The following RGPD1 variants were observed in gnomAD, a reference collection of about 807,000 sequenced individuals.
The protein encoded by RGPD1 is RANBP2 like and GRIP domain containing 1.
Under a neutral mutation model 40.6 loss-of-function variants are expected in RGPD1, and 7 were observed. That is an observed-to-expected ratio of 0.17 (90% CI 0.10 to 0.32). The LOEUF (loss-of-function observed/expected upper bound fraction) is 0.32, where lower values mean the gene tolerates loss of function less well. RGPD1 is among the 10% of genes least tolerant of loss of function. RGPD1 has a pLI of 1.00. For synonymous variants in RGPD1, 24 were observed against 167.0 expected (o/e 0.14, Z 6.60); for missense variants, 50 against 472.5 (o/e 0.11, Z 8.29).
chr2:86,933,322 A>G (rs540793242), intron 1 of RGPD1, among the ~76,000 whole-genome samples: 3 of 150,362 alleles, frequency 2.0e-5, no homozygotes, highest in Admixed American at 6.6e-5. Flanking sequence ...AAAAAAAAGG[A>G]AGAAAAAAAC....
chr2:86,943,900 G>A (rs1179032366), intron 1 of RGPD1, among the ~76,000 whole-genome samples: 1 of 152,036 alleles, frequency 6.6e-6, no homozygotes, highest in Non-Finnish European at 1.5e-5. Flanking sequence ...TGTAGTCCCA[G>A]CTACCCGGGA....
At chr2:86,928,829 A>C (rs1275860038) in intron 1 of RGPD1, among the ~76,000 whole-genome samples, 1 of 152,194 alleles carries the variant, frequency 6.6e-6, no homozygotes, top group Non-Finnish European at 1.5e-5. Flanking sequence ...GAAATGAATG[A>C]TACCACTCAA....
At chr2:86,930,688 G>A in intron 1 of RGPD1, 1 of 1,607,370 alleles carries the variant, frequency 6.2e-7, no homozygotes, top group South Asian at 1.1e-5. Context: ...TCTCGAAGCT[G>A]CTGTTGCGGC....
In RGPD1 at chr2:86,914,714, C is replaced by T. The variant is rs1169060754; in HGVS notation, c.72+793C>T. 3.4e-4 allele frequency among the ~76,000 whole-genome samples: 8 copies of T among 23,620 alleles called. 1 individual carries two copies. Among genetic ancestry groups the T allele is most frequent in the Non-Finnish European group, 6.3e-4 (8 of 12,746 alleles). The allele number at this position is 23,620 out of a possible 152,430, so 15.5% of individuals were successfully genotyped here. A position where few individuals can be genotyped will look rare whatever the true frequency, so the allele number is the denominator to read the frequency against. ...GCGGCGGCGGCGGCGGCGGCCTCGACCTGGCCGGGCGGCGGCGGCGGCGGC... is the reference window on the plus strand; with the variant it reads ...GCGGCGGCGGCGGCGGCGGCCTCGATCTGGCCGGGCGGCGGCGGCGGCGGC... On this transcript the variant is annotated intron_variant, in intron 1 of 22. Coordinates refer to the RGPD1 transcript ENST00000398193.
At chr2:86,957,543 T>C (rs1254744452) in intron 4 of RGPD1, among the ~76,000 whole-genome samples, 163 bp from the exon 5 acceptor site, 4 of 152,260 alleles carry the variant, frequency 2.6e-5, no homozygotes, top group Non-Finnish European at 5.9e-5. Flanking sequence ...AGTTTCTGGG[T>C]TGTAAGCAAC....
chr2:86,941,511 CT>C (rs1249811249), upstream of RGPD1, among the ~76,000 whole-genome samples: 1 of 147,648 alleles, frequency 6.8e-6, no homozygotes, highest in African/African-American at 2.5e-5. Context: ...TCCCAAAGTG[CT>C]GGGGCTACCG....
At chr2:86,933,305 G>A (rs1353087092) in intron 1 of RGPD1, among the ~76,000 whole-genome samples, 1 of 149,404 alleles carries the variant, frequency 6.7e-6, no homozygotes, top group African/African-American at 2.4e-5. Flanking sequence ...TGGATTTTGA[G>A]TCTCAGAAAA....
chr2:86,914,191 G>GCCT (rs1553442134), intron 1 of RGPD1, among the ~76,000 whole-genome samples: 2 of 55,668 alleles, frequency 3.6e-5, no homozygotes, highest in Non-Finnish European at 3.9e-5. Flanking sequence ...GACGGCGGCG[G>GCCT]CGGCCTCGGC....
rs1456661315 is a variant in RGPD1, at chr2:86,913,993, C to CCTCGACCTGGCGG, written c.72+72_72+73insCTCGACCTGGCGG. 4 of 906,774 alleles carry CCTCGACCTGGCGG rather than the reference C, an allele frequency of 4.4e-6. 1 individual carries two copies. Among genetic ancestry groups the CCTCGACCTGGCGG allele is most frequent in the South Asian group, 2.2e-5 (1 of 45,154 alleles). The allele number at this position is 906,774 out of a possible 1,614,324, so 56.2% of individuals were successfully genotyped here. ...TGGCCTCGACCTGGCCGGGCGGCGG[C>CCTCGACCTGGCGG]GGCGGCCTCGGCCTCGGCCTGGCCG... On this transcript the variant is annotated intron_variant, in intron 1 of 22. Coordinates refer to the RGPD1 transcript ENST00000398193.
At chr2:86,993,434 T>C (rs1222530999) in intron 20 of RGPD1, among the ~76,000 whole-genome samples, 1 of 89,450 alleles carries the variant, frequency 1.1e-5, no homozygotes, top group Admixed American at 9.0e-5. Flanking sequence ...AAGGTACATA[T>C]GCTTTTTTGG....
intron 1 of RGPD1, among the ~76,000 whole-genome samples, chr2:86,929,808 CT>C (rs1441875517): frequency 7.0e-6 from 1 of 143,608 alleles, no homozygotes; most frequent in Non-Finnish European, 1.5e-5. Context: ...TGCCCCTCTC[CT>C]CAGGGCTCCA....
chr2:86,993,371 T>G (rs1573647080), intron 20 of RGPD1, among the ~76,000 whole-genome samples: 1 of 103,214 alleles, frequency 9.7e-6, no homozygotes, highest in East Asian at 3.0e-4. Context: ...TTACTCTGTC[T>G]AAATATGTTC....
At chr2:86,913,842 G>A (rs1677559344) in exon 1 of RGPD1, 1 of 1,574,330 alleles carries the variant, frequency 6.4e-7, no homozygotes, top group Non-Finnish European at 8.6e-7. Flanking sequence ...AGCCAGGTTG[G>A]CGGTGCGATG....
intron 1 of RGPD1, among the ~76,000 whole-genome samples, chr2:86,925,758 A>G (rs1489148459): frequency 6.6e-6 from 1 of 151,954 alleles, no homozygotes; most frequent in Non-Finnish European, 1.5e-5. Context: ...GTTTAAAGAA[A>G]TAGAGTCTCG....
At chr2:86,913,981 G>A (rs1395268966) in intron 1 of RGPD1, 58 of 1,029,192 alleles carry the variant, frequency 5.6e-5, no homozygotes, top group Non-Finnish European at 6.6e-5. Context: ...CCTCGACCTG[G>A]CCGGGCGGCG....
intron 20 of RGPD1, among the ~76,000 whole-genome samples, chr2:86,988,253 G>C (rs1681558469): frequency 7.4e-6 from 1 of 134,486 alleles, no homozygotes; most frequent in African/African-American, 2.9e-5. Context: ...AGACCAGCCT[G>C]GCCAACGTGG....
Position 87,013,076 on chromosome 2 carries a change from T to G in RGPD1, c.*529T>G. 1 of 466,840 alleles carries G rather than the reference T, an allele frequency of 2.1e-6. No homozygotes were observed. Among genetic ancestry groups the G allele is most frequent in the Non-Finnish European group, 3.8e-6 (1 of 264,796 alleles). 28.9% of individuals were successfully genotyped at this position (466,840 alleles called of 1,614,324 possible). A position where few individuals can be genotyped will look rare whatever the true frequency, so the allele number is the denominator to read the frequency against. ...CATTTTTTGTTTTGGACATCGTCCC[T>G]CTGTAGTTCTTTCCATTCCCAGTCT... is the stretch of plus-strand genomic sequence containing the variant. On this transcript the variant is annotated 3_prime_UTR_variant, in exon 23 of 23. Transcript: ENST00000641458.
chr2:86,944,587 AT>A (rs1370692279), intron 1 of RGPD1, among the ~76,000 whole-genome samples: 3 of 151,616 alleles, frequency 2.0e-5, no homozygotes, highest in African/African-American at 7.3e-5. Context: ...TTTTGTTTTT[AT>A]TTTTGGTAGA....
upstream of RGPD1, chr2:86,913,739 G>T: frequency 2.2e-6 from 3 of 1,359,526 alleles, no homozygotes; most frequent in South Asian, 3.7e-5. Context: ...CGTCACAGTG[G>T]TCCTCCGCCG....
Sources: gnomAD v4.1 joint callset for allele counts (sites outside exome capture counted in the v4.1 genomes callset) on GRCh38, gnomAD v4.1.1 for gene constraint, MANE v1.5 for transcripts, NCBI Gene and HGNC (gene_info 2026-07-23, HGNC 2026-07-21) for gene names.